The following FHOD3 variants were observed in gnomAD, a reference collection of about 807,000 sequenced individuals.
The protein encoded by FHOD3 is formin homology 2 domain containing 3, also known as FH1/FH2 domain-containing protein 3.
In FHOD3, 90 loss-of-function variants were observed where a neutral mutation model predicts 173.0. That is an observed-to-expected ratio of 0.52 (90% CI 0.44 to 0.62). The LOEUF is 0.62. Among genes scored for constraint, FHOD3 ranks in the 20% least tolerant of loss-of-function variants. The pLI is 0.00. For synonymous variants in FHOD3, 828 were observed against 823.0 expected (o/e 1.01, Z -0.10); for missense variants, 1,945 against 2,034.7 (o/e 0.96, Z 0.85).
intron 19 of FHOD3, 69 bp from the exon 20 acceptor site, chr18:36,730,577 T>C: frequency 1.3e-6 from 2 of 1,510,924 alleles, no homozygotes; most frequent in Non-Finnish European, 1.8e-6. Flanking sequence ...GTGAGTGCTT[T>C]TAATAATGAA....
intron 3 of FHOD3, among the ~76,000 whole-genome samples, chr18:36,389,194 A>C (rs749521390): frequency 1.3e-5 from 2 of 152,138 alleles, no homozygotes; most frequent in Non-Finnish European, 2.9e-5. Context: ...AAGAAGAAGA[A>C]GAAGAGGAAG....
intron 3 of FHOD3, among the ~76,000 whole-genome samples, chr18:36,373,642 A>G (rs1016270481): frequency 4.6e-5 from 7 of 152,202 alleles, no homozygotes; most frequent in African/African-American, 1.2e-4. Context: ...CTCTGCAGCT[A>G]AAGAATAATT....
chr18:36,417,421 G>C (rs1599034495), intron 3 of FHOD3, among the ~76,000 whole-genome samples: 2 of 152,158 alleles, frequency 1.3e-5, no homozygotes, highest in South Asian at 4.2e-4. Flanking sequence ...ATGGCTGCAT[G>C]GTATTCCATG....
At chr18:36,326,033 C>G (rs1047270868) in intron 1 of FHOD3, among the ~76,000 whole-genome samples, 4 of 152,234 alleles carry the variant, frequency 2.6e-5, no homozygotes, top group Admixed American at 6.5e-5. Flanking sequence ...GGGTGTTTAT[C>G]TCTGCAGTGG....
chr18:36,436,234 G>A (rs1443130665), intron 3 of FHOD3, among the ~76,000 whole-genome samples: 3 of 152,110 alleles, frequency 2.0e-5, no homozygotes, highest in Non-Finnish European at 4.4e-5. Flanking sequence ...TTTCTTGAAG[G>A]CAAGGAACCA....
intron 5 of FHOD3, 70 bp downstream of exon 5, chr18:36,512,613 T>A: frequency 1.8e-6 from 2 of 1,117,502 alleles, no homozygotes; most frequent in Non-Finnish European, 2.7e-6. Flanking sequence ...TTCAGGAACT[T>A]AACTACTGAG....
intron 3 of FHOD3, among the ~76,000 whole-genome samples, chr18:36,462,808 A>G (rs1833235621): frequency 6.6e-6 from 1 of 152,156 alleles, no homozygotes; most frequent in South Asian, 2.1e-4. Context: ...AATATATTTC[A>G]TAGAGATGGG....
chr18:36,691,194 G>A (rs1358966028), intron 16 of FHOD3, among the ~76,000 whole-genome samples: 1 of 152,086 alleles, frequency 6.6e-6, no homozygotes, highest in Admixed American at 6.6e-5. Flanking sequence ...GACCAGGAAT[G>A]AGCCAGCAAA....
chr18:36,659,266 TC>T lies in FHOD3; in HGVS notation c.1835+1080del, dbSNP rs200960655. The stretch of plus-strand genomic sequence containing the variant: ...GTTAACTTCTAAGATGGCATGTAGA[TC>T]CTACGGTGTCAAGCTCTCAGATTCC... On this transcript the variant is annotated intron_variant, in intron 14 of 28. Transcript: ENST00000590592. Among the ~76,000 whole-genome samples the T allele has an allele frequency of 6.0e-3, 919 of 152,314 alleles. 5 individuals carry two copies. The highest frequency in any genetic ancestry group is 0.01 in the Non-Finnish European group (685 of 68,022).
chr18:36,756,081 A>G (rs1031906216), intron 25 of FHOD3, among the ~76,000 whole-genome samples: 2 of 152,310 alleles, frequency 1.3e-5, no homozygotes, highest in East Asian at 1.9e-4. Flanking sequence ...CCAGAGACCA[A>G]CGGAGGTACA....
At chr18:36,723,650 G>C (rs572633475) in intron 19 of FHOD3, among the ~76,000 whole-genome samples, 1 of 152,272 alleles carries the variant, frequency 6.6e-6, no homozygotes, top group South Asian at 2.1e-4. Context: ...GTGATGCAGA[G>C]AAGCATTTGC....
intron 10 of FHOD3, among the ~76,000 whole-genome samples, chr18:36,639,215 C>A (rs936807739): frequency 7.9e-5 from 12 of 152,206 alleles, no homozygotes; most frequent in Non-Finnish European, 1.3e-4. Context: ...TCTCTGTCAA[C>A]TTCTGCTCTG....
At chr18:36,521,878 G>A (rs1333513251) in intron 5 of FHOD3, among the ~76,000 whole-genome samples, 1 of 152,144 alleles carries the variant, frequency 6.6e-6, no homozygotes, top group Non-Finnish European at 1.5e-5. Context: ...GCCATCCCAG[G>A]GAGGGTGATG....
chr18:36,636,758 G>A (rs1005551353), intron 10 of FHOD3, among the ~76,000 whole-genome samples: 2 of 151,716 alleles, frequency 1.3e-5, no homozygotes, highest in Middle Eastern at 3.2e-3. Flanking sequence ...GTCAGGGCCT[G>A]TGGGGTGCAG....
intron 3 of FHOD3, among the ~76,000 whole-genome samples, chr18:36,486,663 T>C (rs540398989): frequency 6.6e-6 from 1 of 152,362 alleles, no homozygotes; most frequent in South Asian, 2.1e-4. Flanking sequence ...AGAATCAACC[T>C]TCCTTTTCTT....
chr18:36,315,989 G>A (rs1301606230), intron 1 of FHOD3, among the ~76,000 whole-genome samples: 1 of 152,050 alleles, frequency 6.6e-6, no homozygotes, highest in Non-Finnish European at 1.5e-5. Context: ...ATGAGTAAGA[G>A]CAGAGCTAAT....
At chr18:36,583,719 C>T (rs751024836) in intron 6 of FHOD3, among the ~76,000 whole-genome samples, 6 of 152,200 alleles carry the variant, frequency 3.9e-5, no homozygotes, top group Non-Finnish European at 7.3e-5. Flanking sequence ...TTTGTGTCTG[C>T]AGTTCCAAGG....
At chr18:36,728,957 C>T (rs918398122) in intron 19 of FHOD3, among the ~76,000 whole-genome samples, 2 of 152,228 alleles carry the variant, frequency 1.3e-5, no homozygotes, top group African/African-American at 4.8e-5. Context: ...CTTCCAGTCT[C>T]ATCCCTGACA....
intron 9 of FHOD3, among the ~76,000 whole-genome samples, chr18:36,612,494 C>T (rs1031095744): frequency 7.2e-5 from 11 of 152,232 alleles, no homozygotes; most frequent in Admixed American, 6.5e-4. Flanking sequence ...TGATTTGTAG[C>T]AACCAATGCA....
Sources: allele counts gnomAD v4.1 joint callset (sites outside exome capture counted in the v4.1 genomes callset), GRCh38; gene constraint gnomAD v4.1.1; transcripts MANE v1.5; gene names NCBI Gene and HGNC (gene_info 2026-07-23, HGNC 2026-07-21).